Variants in SV2B observed in about 807,000 individuals in gnomAD.
SV2B encodes synaptic vesicle glycoprotein 2B.
In SV2B, 41 loss-of-function variants were observed where a neutral mutation model predicts 73.9. The ratio of observed to expected loss-of-function variants is 0.56; its 90% CI spans 0.43 to 0.72. SV2B has a LOEUF of 0.72. SV2B is among the 30% of genes least tolerant of loss of function. SV2B has a pLI of 0.00. For synonymous variants in SV2B, 314 were observed against 314.2 expected (o/e 1.00, Z 0.01); for missense variants, 764 against 857.8 (o/e 0.89, Z 1.37).
At chr15:91,142,084 C>T (rs1002284918) in intron 1 of SV2B, among the ~76,000 whole-genome samples, 2 of 152,286 alleles carry the variant, frequency 1.3e-5, no homozygotes, top group African/African-American at 4.8e-5. Context: ...CTCCACTCTA[C>T]ACTCTGGAAA....
At chr15:91,278,751 A>C (rs1036735871) in intron 9 of SV2B, among the ~76,000 whole-genome samples, 1 of 151,584 alleles carries the variant, frequency 6.6e-6, no homozygotes, top group African/African-American at 2.4e-5. Context: ...TCTTTAAGCA[A>C]ATTAGGCCCA....
intron 1 of SV2B, among the ~76,000 whole-genome samples, chr15:91,111,912 G>A (rs2042045890): frequency 1.3e-5 from 2 of 152,062 alleles, no homozygotes; most frequent in South Asian, 4.2e-4. Context: ...TAGATCTCAT[G>A]AGAACTCACT....
At chr15:91,175,358 G>C (rs959288314) in intron 1 of SV2B, among the ~76,000 whole-genome samples, 3 of 151,978 alleles carry the variant, frequency 2.0e-5, no homozygotes, top group African/African-American at 7.2e-5. Flanking sequence ...GGGTTCCAGT[G>C]ATTCTCCTGC....
At position 91,118,645 on chromosome 15, in the gene SV2B, A is replaced by G. The variant is rs897586117; in HGVS notation, c.-392+18282A>G. 6.6e-6 allele frequency among the ~76,000 whole-genome samples: 1 copy of G among 152,156 alleles called. No individual in the cohort carries two copies. Among genetic ancestry groups the G allele is most frequent in the Non-Finnish European group, 1.5e-5 (1 of 68,028 alleles). On this transcript the variant is annotated intron_variant, in intron 1 of 12. Transcript: ENST00000394232. This position sits in a 1 kb window ranked among gnomAD's most constrained non-coding sequence, Gnocchi z 4.7. ...GCTGCCCCTTTCTGAGAGGCTCCCT[A>G]CTGCCCAAGAGGGCCGAGGTGAGGC...
At chr15:91,254,792 A>G (rs547500736) in intron 4 of SV2B, among the ~76,000 whole-genome samples, 1 of 152,312 alleles carries the variant, frequency 6.6e-6, no homozygotes, top group South Asian at 2.1e-4. Context: ...GAAAAATTCC[A>G]AGATAATTCT....
chr15:91,267,547 G>T lies in SV2B; in HGVS notation c.1120-8G>T, dbSNP rs1178987138. On this transcript the variant is annotated splice_region_variant and splice_polypyrimidine_tract_variant and intron_variant, in intron 7 of 12. Coordinates refer to ENST00000394232, the MANE Select transcript of SV2B (RefSeq NM_001323032.3). This position sits in a 1 kb window ranked among gnomAD's most constrained non-coding sequence, Gnocchi z 4.3. ...TCTTTAACAATCCTTCTCTGGTATG[G>T]GTTGTAGGTCTGGGATAATGCCCTG... is the stretch of plus-strand genomic sequence containing the variant. The T allele has an allele frequency of 3.1e-6, 5 of 1,610,098 alleles. No individual in the cohort carries two copies. The South Asian group carries it at 3.3e-5, about 11-fold the overall frequency.
At position 91,299,383 on chromosome 15, in the gene SV2B, T is replaced by C. The variant is rs983469741; in HGVS notation, c.*6831T>C. 4 of 152,196 alleles carry C rather than the reference T, an allele frequency of 2.6e-5. No homozygotes were observed. The highest frequency in any genetic ancestry group is 6.5e-5 in the Admixed American group (1 of 15,278). The allele number at this position is 152,196 out of a possible 1,614,324, so 9.4% of individuals were successfully genotyped here. ...AAAACAATACTTCTTTAAAAATGTA[T>C]TTTATGATCTATTTATTGATATTCT... On this transcript the variant is annotated 3_prime_UTR_variant, in exon 13 of 13. Coordinates refer to ENST00000394232, the MANE Select transcript of SV2B (RefSeq NM_001323032.3).
At chr15:91,112,884 A>G (rs2042075688) in intron 1 of SV2B, among the ~76,000 whole-genome samples, 1 of 152,182 alleles carries the variant, frequency 6.6e-6, no homozygotes, top group South Asian at 2.1e-4. Context: ...TGGTGCCGTC[A>G]TGGCTCACTG....
chr15:91,292,694 C>G lies in SV2B; in HGVS notation c.*142C>G, dbSNP rs918910232. On this transcript the variant is annotated 3_prime_UTR_variant, in exon 13 of 13. Coordinates refer to ENST00000394232, the MANE Select transcript of SV2B (RefSeq NM_001323032.3). ...GACTTTGTGACCCCTAGTTTAGGAC[C>G]CACTTCAGCTGTCAATATGTTTGTA... is the stretch of plus-strand genomic sequence containing the variant. 2.9e-5 allele frequency: 29 copies of G among 1,009,718 alleles called. No homozygotes were observed. The African/African-American group carries it at 4.1e-4, about 14-fold the overall frequency. 62.5% of individuals were successfully genotyped at this position (1,009,718 alleles called of 1,614,324 possible).
chr15:91,105,434 A>G lies in SV2B; in HGVS notation c.-392+5071A>G, dbSNP rs115814103. Among the ~76,000 whole-genome samples the G allele has an allele frequency of 3.1e-3, 478 of 152,306 alleles. 4 individuals are homozygous for G. The highest frequency in any genetic ancestry group is 0.011 in the African/African-American group (464 of 41,566). On this transcript the variant is annotated intron_variant, in intron 1 of 12. Transcript: ENST00000394232. The surrounding 1 kb of genome is among the most constrained non-coding windows in gnomAD (Gnocchi z 5.5). ...GGCCCCGAGGCAACAGATAACTGGCATGTTCCAGGAACAGCAAGGTGGCTT... is the reference window on the plus strand; with the variant it reads ...GGCCCCGAGGCAACAGATAACTGGCGTGTTCCAGGAACAGCAAGGTGGCTT...
chr15:91,161,548 C>T (rs1242315767), intron 1 of SV2B, among the ~76,000 whole-genome samples: 2 of 152,122 alleles, frequency 1.3e-5, no homozygotes, highest in Non-Finnish European at 2.9e-5. Flanking sequence ...ATGTATTAGG[C>T]ACTGTTCTAA....
rs182172372 is a variant in SV2B, at chr15:91,274,577, C to T, written c.1373+5972C>T. On this transcript the variant is annotated intron_variant, in intron 9 of 12. Coordinates refer to ENST00000394232, the MANE Select transcript of SV2B (RefSeq NM_001323032.3). Reference sequence around the variant, plus strand: ...AATTTATCAGCATAAAAGTATTCATCGTCTTGTCTTAGGACATTTAAAATC... The same window carrying T: ...AATTTATCAGCATAAAAGTATTCATTGTCTTGTCTTAGGACATTTAAAATC... 1.7e-3 allele frequency among the ~76,000 whole-genome samples: 264 copies of T among 152,244 alleles called. 4 individuals carry two copies. The highest frequency in any genetic ancestry group is 0.011 in the Admixed American group (175 of 15,288).
rs1296034776 is a variant in SV2B at position 91,245,224 on chromosome 15, A to C, written c.452-6595A>C. Among the ~76,000 whole-genome samples, 1 of 152,238 alleles carries C rather than the reference A, an allele frequency of 6.6e-6. No homozygotes were observed. Among genetic ancestry groups the C allele is most frequent in the African/African-American group, 2.4e-5 (1 of 41,470 alleles). On this transcript the variant is annotated intron_variant, in intron 2 of 12. Transcript: ENST00000394232. This position sits in a 1 kb window ranked among gnomAD's most constrained non-coding sequence, Gnocchi z 4.2. ...GAAGGATATTTGGCATTGTGTCTCA[A>C]GAGCCACAAACTTGTTGATCTCCTT...
intron 1 of SV2B, among the ~76,000 whole-genome samples, chr15:91,114,524 G>C (rs1174066889): frequency 6.6e-6 from 1 of 152,220 alleles, no homozygotes; most frequent in Non-Finnish European, 1.5e-5. Flanking sequence ...TGTGAGCTTG[G>C]TGTTGCTGGC....
In SV2B at chr15:91,286,421, C is replaced by T. The variant is rs1488449672; in HGVS notation, c.1708+2200C>T. Among the ~76,000 whole-genome samples the T allele has an allele frequency of 2.0e-5, 3 of 152,268 alleles. No homozygotes were observed. The East Asian group carries it at 5.8e-4, about 29-fold the overall frequency. On this transcript the variant is annotated intron_variant, in intron 11 of 12. Transcript: ENST00000394232. ...AGAAGTTTTCCTGATTAGGCTGCTACCCACTCATTTATTCATCCAATAACA... is the reference window on the plus strand; with the variant it reads ...AGAAGTTTTCCTGATTAGGCTGCTATCCACTCATTTATTCATCCAATAACA...
chr15:91,288,473 G>A lies in SV2B; in HGVS notation c.1709-1048G>A, dbSNP rs965771840. On this transcript the variant is annotated intron_variant, in intron 11 of 12. Coordinates refer to ENST00000394232, the MANE Select transcript of SV2B (RefSeq NM_001323032.3). This position sits in a 1 kb window ranked among gnomAD's most constrained non-coding sequence, Gnocchi z 5.8. ...TACATTGTTAGTAACTGTAGTCACC[G>A]TGCTGTGTAGTAGATCTCGAAAAGT... 1.3e-5 allele frequency among the ~76,000 whole-genome samples: 2 copies of A among 152,056 alleles called. No individual in the cohort carries two copies. Among genetic ancestry groups the A allele is most frequent in the African/African-American group, 4.8e-5 (2 of 41,390 alleles).
rs1056805432 is a variant in SV2B at position 91,261,458 on chromosome 15, A to G, written c.1008+1049A>G. Among the ~76,000 whole-genome samples the G allele has an allele frequency of 6.6e-6, 1 of 152,206 alleles. No individual in the cohort carries two copies. The highest frequency in any genetic ancestry group is 1.5e-5 in the Non-Finnish European group (1 of 68,046). On this transcript the variant is annotated intron_variant, in intron 6 of 12. Transcript: ENST00000394232. This position sits in a 1 kb window ranked among gnomAD's most constrained non-coding sequence, Gnocchi z 4.7. ...GTTTTCCTAACATGTCTCTAATGTT[A>G]GAAGCTTGTTTATCCAGTTTTACTA...
chr15:91,207,084 A>T (rs1380323110), intron 1 of SV2B, among the ~76,000 whole-genome samples: 2 of 151,930 alleles, frequency 1.3e-5, no homozygotes, highest in African/African-American at 4.8e-5. Flanking sequence ...GTGCAGAAGC[A>T]TGAGATCCTA....
At position 91,266,711 on chromosome 15, in the gene SV2B, T is replaced by C. The variant is rs751487378; in HGVS notation, c.1119+19T>C. On this transcript the variant is annotated intron_variant, in intron 7 of 12. Coordinates refer to ENST00000394232, the MANE Select transcript of SV2B (RefSeq NM_001323032.3). ...CAAGCAGGTATGATTGGGAACTTAC[T>C]TTGGATGAGGATGCGTCTCTATGGG... 1.4e-5 allele frequency: 23 copies of C among 1,590,968 alleles called. No individual in the cohort carries two copies. Among genetic ancestry groups the C allele is most frequent in the African/African-American group, 2.7e-5 (2 of 74,262 alleles).
Sources: allele counts gnomAD v4.1 joint callset (sites outside exome capture counted in the v4.1 genomes callset), GRCh38; gene constraint gnomAD v4.1.1; non-coding constraint Gnocchi (gnomAD v3.1); transcripts MANE v1.5; gene names NCBI Gene and HGNC (gene_info 2026-07-23, HGNC 2026-07-21).